The following ATF7IP2 variants were observed in gnomAD, a reference collection of about 807,000 sequenced individuals.
The protein encoded by ATF7IP2 is activating transcription factor 7 interacting protein 2.
A neutral mutation model predicts 64.2 loss-of-function variants in ATF7IP2; 42 were observed. That is an observed-to-expected ratio of 0.65 (90% CI 0.51 to 0.85). The LOEUF is 0.85. ATF7IP2 is among the 40% of genes least tolerant of loss of function. The probability of loss-of-function intolerance (pLI) is 0.00; values close to 1 mark genes in which losing one functional copy is unlikely to be tolerated. For missense variants in ATF7IP2, 933 were observed against 784.2 expected (o/e 1.19, Z -2.27); for synonymous variants, 308 against 272.8 (o/e 1.13, Z -1.27).
chr16:10,457,669 A>G, intron 9 of ATF7IP2, 140 bp downstream of exon 9: 1 of 661,776 alleles, frequency 1.5e-6, no homozygotes, highest in Non-Finnish European at 2.3e-6. Context: ...ACTTTTACAT[A>G]TTATACTTCA....
At chr16:10,440,565 G>C in intron 8 of ATF7IP2, 103 bp downstream of exon 8, 1 of 698,602 alleles carries the variant, frequency 1.4e-6, no homozygotes, top group East Asian at 3.3e-5. Context: ...AAGGTGTAAA[G>C]GTAAGTAAGT....
At chr16:10,431,789 T>C (rs986024697) in intron 5 of ATF7IP2, among the ~76,000 whole-genome samples, 1 of 151,374 alleles carries the variant, frequency 6.6e-6, no homozygotes, top group Non-Finnish European at 1.5e-5. Flanking sequence ...GTTGAAAGAG[T>C]GAGTTTTAAA....
chr16:10,434,325 A>G (rs1284487447), intron 6 of ATF7IP2, among the ~76,000 whole-genome samples: 1 of 152,142 alleles, frequency 6.6e-6, no homozygotes, highest in Non-Finnish European at 1.5e-5. Context: ...TTTGATGACC[A>G]TGTTTTCCTA....
intron 8 of ATF7IP2, among the ~76,000 whole-genome samples, chr16:10,441,626 T>C (rs561935310): frequency 6.6e-6 from 1 of 152,342 alleles, no homozygotes; most frequent in African/African-American, 2.4e-5. Context: ...TTAAGTTCTT[T>C]ATAGATTCTG....
intron 1 of ATF7IP2, among the ~76,000 whole-genome samples, chr16:10,414,068 C>A (rs1038537618): frequency 5.3e-5 from 8 of 152,178 alleles, no homozygotes; most frequent in African/African-American, 1.9e-4. Context: ...CTAGGTGATG[C>A]TCTTTTTGCA....
At chr16:10,457,809 C>T (rs1388878693) in intron 9 of ATF7IP2, among the ~76,000 whole-genome samples, 1 of 152,096 alleles carries the variant, frequency 6.6e-6, no homozygotes, top group Non-Finnish European at 1.5e-5. Context: ...TTCCTGGGCT[C>T]AAGTGATCTT....
At position 10,482,215 on chromosome 16, in the gene ATF7IP2, A is replaced by G; in HGVS notation, c.2015A>G (p.Lys672Arg). Residue 672 changes from lysine (K) to arginine (R), a missense_variant, in exon 14 of 14, where the codon AAA becomes AGA. By Grantham distance (26) the Lys-to-Arg change is conservative. Transcript: ENST00000562102. ...CGATATGGACCATTCTGTGATATAA[A>G]ATCTATCCCTGGGTTTTCTGAAAAT... Reference protein sequence around the residue: ...FGRYGPFCDIKSIPGFSENLT With the variant: ...FGRYGPFCDIRSIPGFSENLT The G allele has an allele frequency of 1.2e-6, 2 of 1,601,520 alleles. No individual in the cohort carries two copies. The highest frequency in any genetic ancestry group is 1.7e-6 in the Non-Finnish European group (2 of 1,175,358).
chr16:10,403,968 A>G (rs529846762), intron 1 of ATF7IP2, among the ~76,000 whole-genome samples: 33 of 152,254 alleles, frequency 2.2e-4, no homozygotes, highest in Non-Finnish European at 4.3e-4. Flanking sequence ...ATGAATTAAC[A>G]GTATTTCCAA....
At chr16:10,436,836 G>A (rs1196200473) in intron 6 of ATF7IP2, among the ~76,000 whole-genome samples, 1 of 152,054 alleles carries the variant, frequency 6.6e-6, no homozygotes, top group African/African-American at 2.4e-5. Context: ...GTATGGCTCA[G>A]CAGAGCTGCT....
At chr16:10,462,280 A>T (rs2049399390) in intron 9 of ATF7IP2, among the ~76,000 whole-genome samples, 1 of 152,036 alleles carries the variant, frequency 6.6e-6, no homozygotes, top group African/African-American at 2.4e-5. Flanking sequence ...AGTTACCCAC[A>T]TATTTATGTT....
intron 3 of ATF7IP2, among the ~76,000 whole-genome samples, chr16:10,419,938 T>C (rs1195863233): frequency 2.0e-5 from 3 of 152,264 alleles, no homozygotes; most frequent in Non-Finnish European, 4.4e-5. Context: ...GCTGTTCAGC[T>C]GCTGATAGCA....
intron 1 of ATF7IP2, among the ~76,000 whole-genome samples, chr16:10,411,626 C>T (rs2047762055): frequency 6.6e-6 from 1 of 152,120 alleles, no homozygotes; most frequent in Non-Finnish European, 1.5e-5. Flanking sequence ...ACCTTGGTCT[C>T]TCAAAGTGCT....
chr16:10,419,442 G>C, intron 2 of ATF7IP2, 139 bp from the exon 3 acceptor site: 1 of 155,244 alleles, frequency 6.4e-6, no homozygotes, highest in African/African-American at 2.4e-5. Context: ...AGAAGTGGTG[G>C]AAAAGGTAAA....
chr16:10,395,852 C>T (rs909601058), intron 1 of ATF7IP2, among the ~76,000 whole-genome samples: 1 of 152,022 alleles, frequency 6.6e-6, no homozygotes, highest in African/African-American at 2.4e-5. Context: ...CCTGCTAATT[C>T]AGGAACAAGA....
chr16:10,440,481 G>A lies in ATF7IP2; in HGVS notation c.1194+19G>A. On this transcript the variant is annotated intron_variant, in intron 8 of 13. Coordinates refer to ENST00000562102, the MANE Select transcript of ATF7IP2 (RefSeq NM_001393719.1). The stretch of plus-strand genomic sequence containing the variant: ...CTCTAAGGTTTGTATAAACACACAG[G>A]AATTGTAATCATCTATTTGACTCAT... 2 of 1,298,248 alleles carry A rather than the reference G, an allele frequency of 1.5e-6. No individual in the cohort carries two copies. The highest frequency in any genetic ancestry group is 2.1e-6 in the Non-Finnish European group (2 of 931,732). 80.4% of individuals were successfully genotyped at this position (1,298,248 alleles called of 1,614,324 possible).
chr16:10,475,742 AAAC>A (rs1341187593), intron 12 of ATF7IP2, among the ~76,000 whole-genome samples: 1 of 150,876 alleles, frequency 6.6e-6, no homozygotes, highest in East Asian at 1.9e-4. Context: ...AAAAAAAAAA[AAAC>A]AGAGAAAGAA....
At chr16:10,423,112 C>T (rs980295723) in intron 3 of ATF7IP2, among the ~76,000 whole-genome samples, 16 of 152,246 alleles carry the variant, frequency 1.1e-4, no homozygotes, top group Admixed American at 5.2e-4. Context: ...GGCGTGGTGG[C>T]GGGCACCTGT....
Position 10,457,525 on chromosome 16 carries a change from G to A in ATF7IP2, c.1348G>A (p.Glu450Lys). Residue 450 changes from glutamate to lysine, a missense_variant, in exon 9 of 14, where the codon GAA becomes AAA. By Grantham distance (56) the Glu-to-Lys change is moderately conservative (BLOSUM62 1). Coordinates refer to ENST00000562102, the MANE Select transcript of ATF7IP2 (RefSeq NM_001393719.1). ...ATCAGATCAAAATAAGTCTGTTTCT[G>A]AAAGGTAGGTGTTTCTGCAAAAATG... Reference protein sequence around the residue: ...LSSDQNKSVSESNNDDVMLIS... With the variant: ...LSSDQNKSVSKSNNDDVMLIS... The A allele has an allele frequency of 6.4e-7, 1 of 1,562,698 alleles. No individual in the cohort carries two copies. The highest frequency in any genetic ancestry group is 8.6e-7 in the Non-Finnish European group (1 of 1,160,676).
intron 8 of ATF7IP2, among the ~76,000 whole-genome samples, chr16:10,442,228 C>A (rs1292726334): frequency 1.3e-5 from 2 of 152,296 alleles, no homozygotes; most frequent in East Asian, 1.9e-4. Context: ...TAAATTGGAA[C>A]AAAGGACAAG....
Sources: gnomAD v4.1 joint callset for allele counts (sites outside exome capture counted in the v4.1 genomes callset) on GRCh38, gnomAD v4.1.1 for gene constraint, MANE v1.5 for transcripts, NCBI Gene and HGNC (gene_info 2026-07-23, HGNC 2026-07-21) for gene names.